Variants in NFIA observed in about 807,000 individuals in gnomAD.
NFIA encodes the protein nuclear factor I A.
NFIA carries 8 observed loss-of-function variants against 62.8 expected under a neutral mutation model. That is an observed-to-expected ratio of 0.13 (90% confidence interval 0.07 to 0.23). The LOEUF is 0.23. NFIA is among the 10% of genes least tolerant of loss of function. NFIA has a pLI of 1.00. For synonymous variants in NFIA, 235 were observed against 238.1 expected (o/e 0.99, Z 0.12); for missense variants, 410 against 642.1 (o/e 0.64, Z 3.91).
intron 10 of NFIA, among the ~76,000 whole-genome samples, chr1:61,441,643 G>C (rs1025288016): frequency 3.3e-5 from 5 of 152,166 alleles, no homozygotes; most frequent in African/African-American, 1.2e-4. Context: ...GATAGACTTT[G>C]TGTGCCTTTC....
chr1:61,184,180 C>T (rs1486864463), intron 2 of NFIA, among the ~76,000 whole-genome samples: 1 of 148,870 alleles, frequency 6.7e-6, no homozygotes, highest in African/African-American at 2.5e-5. Flanking sequence ...CAAAAAACTT[C>T]AGAGGGGAAA....
intron 3 of NFIA, among the ~76,000 whole-genome samples, chr1:61,288,369 G>A (rs1020710848): frequency 6.6e-6 from 1 of 152,102 alleles, no homozygotes; most frequent in African/African-American, 2.4e-5. Flanking sequence ...ATCTGTAATT[G>A]GGACAACTTT....
chr1:61,187,524 C>T (rs555486575), intron 2 of NFIA, among the ~76,000 whole-genome samples: 26 of 152,164 alleles, frequency 1.7e-4, no homozygotes, highest in African/African-American at 5.1e-4. Flanking sequence ...CATGGAGATG[C>T]GCTCCGTTTA....
At chr1:61,455,260 T>A (rs768419727) in intron 10 of NFIA, 43 bp from the exon 11 acceptor site, 5 of 1,610,438 alleles carry the variant, frequency 3.1e-6, no homozygotes, top group Middle Eastern at 1.7e-4. Context: ...CACACGTTTT[T>A]ACAAATTGTG....
chr1:61,438,617 A>C (rs887954439), intron 10 of NFIA, among the ~76,000 whole-genome samples: 1 of 152,180 alleles, frequency 6.6e-6, no homozygotes, highest in African/African-American at 2.4e-5. Flanking sequence ...GGAGCAAGTT[A>C]AAGTTCAACT....
At chr1:61,366,790 G>T (rs1663615744) in intron 6 of NFIA, among the ~76,000 whole-genome samples, 2 of 152,090 alleles carry the variant, frequency 1.3e-5, no homozygotes, top group South Asian at 4.2e-4. Context: ...GGGCGTGGCG[G>T]CGCCCTCCTG....
chr1:61,134,403 C>T (rs1412182571), intron 2 of NFIA, among the ~76,000 whole-genome samples: 2 of 152,110 alleles, frequency 1.3e-5, no homozygotes, highest in East Asian at 1.9e-4. Context: ...TATTCCATTA[C>T]CTCCAGTAAA....
chr1:61,248,911 A>C (rs1383485334), intron 2 of NFIA: 1 of 152,238 alleles, frequency 6.6e-6, no homozygotes, highest in African/African-American at 2.4e-5. Context: ...GTAGCATCTC[A>C]TGGTCCCTGT....
intron 2 of NFIA, among the ~76,000 whole-genome samples, chr1:61,122,682 T>C (rs1390164760): frequency 6.6e-6 from 1 of 152,208 alleles, no homozygotes; most frequent in Non-Finnish European, 1.5e-5. Flanking sequence ...GAATGTTTGG[T>C]CCAGAAACCA....
chr1:61,324,869 A>T (rs2100375892), intron 3 of NFIA, among the ~76,000 whole-genome samples: 1 of 152,328 alleles, frequency 6.6e-6, no homozygotes. Context: ...TCTCCCATAT[A>T]GTTTAATCTC....
At position 61,441,797 on chromosome 1, in the gene NFIA, T is replaced by G. The variant is rs77882032; in HGVS notation, c.1513-13506T>G. ...CTTTGTTACATCATTACCATTTAGCTAGGGCCATGCTGTATCTCTTATTTG... is the reference window on the plus strand; with the variant it reads ...CTTTGTTACATCATTACCATTTAGCGAGGGCCATGCTGTATCTCTTATTTG... On this transcript the variant is annotated intron_variant, in intron 10 of 10. Transcript: ENST00000403491. Among the ~76,000 whole-genome samples, 445 of 152,304 alleles carry G rather than the reference T, an allele frequency of 2.9e-3. 2 individuals carry two copies. Among genetic ancestry groups the G allele is most frequent in the South Asian group, 4.1e-3 (20 of 4,824 alleles).
At position 61,168,885 on chromosome 1, in the gene NFIA, A is replaced by G. The variant is rs138502511; in HGVS notation, c.559+80205A>G. On this transcript the variant is annotated intron_variant, in intron 2 of 10. Transcript: ENST00000403491. ...CATTTCCTTTTTTGCAGCAAGACTTACTTCCTTTGCTTATGGAAGGCCCTA... is the reference window on the plus strand; with the variant it reads ...CATTTCCTTTTTTGCAGCAAGACTTGCTTCCTTTGCTTATGGAAGGCCCTA... 9.1e-3 allele frequency among the ~76,000 whole-genome samples: 1,391 copies of G among 152,308 alleles called. 17 individuals are homozygous for G. Among genetic ancestry groups the G allele is most frequent in the Middle Eastern group, 0.061 (18 of 294 alleles).
intron 7 of NFIA, among the ~76,000 whole-genome samples, chr1:61,399,766 C>A (rs1054907726): frequency 1.3e-5 from 2 of 152,158 alleles, no homozygotes; most frequent in African/African-American, 4.8e-5. Context: ...ATATGGCCCA[C>A]GCTTAGATTT....
chr1:61,206,986 A>G (rs1160790443), intron 2 of NFIA, among the ~76,000 whole-genome samples: 3 of 152,200 alleles, frequency 2.0e-5, no homozygotes, highest in African/African-American at 7.2e-5. Flanking sequence ...TATGTCTAGC[A>G]CTAATGGGAG....
chr1:61,164,116 G>A (rs1649405814), intron 2 of NFIA, among the ~76,000 whole-genome samples: 1 of 152,188 alleles, frequency 6.6e-6, no homozygotes, highest in Admixed American at 6.5e-5. Flanking sequence ...TTACATAGCA[G>A]TGAGTCCAGC....
In NFIA at chr1:61,177,967, C is replaced by T. The variant is rs78654440; in HGVS notation, c.559+89287C>T. Among the ~76,000 whole-genome samples, 470 of 152,290 alleles carry T rather than the reference C, an allele frequency of 3.1e-3. 4 individuals are homozygous for T. In the South Asian group the frequency reaches 0.033, roughly 11 times the overall value. On this transcript the variant is annotated intron_variant, in intron 2 of 10. Coordinates refer to ENST00000403491, the MANE Select transcript of NFIA (RefSeq NM_001134673.4). ...AGACAGTAAATCAGCTCTTTCAAGG[C>T]ACCATTCATCTCCCTTCGAGCGCAT... is the stretch of plus-strand genomic sequence containing the variant.
At chr1:61,194,864 A>T (rs778635801) in intron 2 of NFIA, among the ~76,000 whole-genome samples, 1 of 152,182 alleles carries the variant, frequency 6.6e-6, no homozygotes, top group Non-Finnish European at 1.5e-5. Flanking sequence ...AAACTGTTTA[A>T]TGAGTGTGTC....
rs1659688960 is a variant in NFIA, at chr1:61,304,998, T to C, written c.625+27413T>C. ...TATCATGATCACAATGAAATGTAAG[T>C]AGATTTCTATTCTCTTTTCAAGATG... On this transcript the variant is annotated intron_variant, in intron 3 of 10. Coordinates refer to ENST00000403491, the MANE Select transcript of NFIA (RefSeq NM_001134673.4). 2.0e-5 allele frequency among the ~76,000 whole-genome samples: 3 copies of C among 152,314 alleles called. No homozygotes were observed. In the South Asian group the frequency reaches 6.2e-4, roughly 32 times the overall value.
At chr1:61,096,874 C>G (rs1646425693) in intron 2 of NFIA, among the ~76,000 whole-genome samples, 1 of 151,936 alleles carries the variant, frequency 6.6e-6, no homozygotes. Context: ...TTAATGATTT[C>G]AGTGCAAAAA....
Sources: allele counts gnomAD v4.1 joint callset (sites outside exome capture counted in the v4.1 genomes callset), GRCh38; gene constraint gnomAD v4.1.1; transcripts MANE v1.5; gene names NCBI Gene and HGNC (gene_info 2026-07-23, HGNC 2026-07-21).